The following BAZ2B variants were observed in gnomAD, a reference collection of about 807,000 sequenced individuals.
The protein encoded by BAZ2B is bromodomain adjacent to zinc finger domain 2B.
In BAZ2B, 91 loss-of-function variants were observed where a neutral mutation model predicts 246.0. That is an observed-to-expected ratio of 0.37 (90% confidence interval 0.31 to 0.44). BAZ2B has a LOEUF of 0.44. Among genes scored for constraint, BAZ2B ranks in the 20% least tolerant of loss-of-function variants. BAZ2B has a pLI of 1.00. For synonymous variants in BAZ2B, 855 were observed against 860.0 expected (o/e 0.99, Z 0.10); for missense variants, 2,332 against 2,533.7 (o/e 0.92, Z 1.71).
chr2:159,605,362 T>G (rs1278178617), intron 1 of BAZ2B, among the ~76,000 whole-genome samples: 2 of 152,136 alleles, frequency 1.3e-5, no homozygotes, highest in Non-Finnish European at 2.9e-5. Context: ...TTTATTTCCA[T>G]GGGTAGCTGT....
intron 31 of BAZ2B, among the ~76,000 whole-genome samples, chr2:159,345,111 T>G (rs892542604): frequency 6.6e-6 from 1 of 151,676 alleles, no homozygotes; most frequent in Non-Finnish European, 1.5e-5. Context: ...TCAGGAAGGC[T>G]GAGGCAGGAG....
chr2:159,610,787 A>G (rs1578936290), intron 1 of BAZ2B, among the ~76,000 whole-genome samples: 1 of 152,092 alleles, frequency 6.6e-6, no homozygotes, highest in Non-Finnish European at 1.5e-5. Context: ...AAATACTCTT[A>G]CCTTATATAG....
chr2:159,332,494 A>G (rs1424053039), intron 34 of BAZ2B, 46 bp downstream of exon 34: 5 of 1,546,950 alleles, frequency 3.2e-6, no homozygotes, highest in Admixed American at 3.9e-5. Context: ...AAAAAATAAT[A>G]AAAAGATAAA....
intron 25 of BAZ2B, among the ~76,000 whole-genome samples, chr2:159,380,840 T>C (rs543255822): frequency 1.3e-5 from 2 of 152,312 alleles, no homozygotes; most frequent in South Asian, 4.1e-4. Context: ...GTGACTCTGC[T>C]GGGAGATGAC....
Position 159,320,162 on chromosome 2 carries a change from A to G in BAZ2B, c.*103T>C. The G allele has an allele frequency of 9.8e-7, 1 of 1,019,866 alleles. No individual in the cohort carries two copies. The allele number at this position is 1,019,866 out of a possible 1,614,324, so 63.2% of individuals were successfully genotyped here. The stretch of plus-strand genomic sequence containing the variant: ...TTTTTTTATACTTAAGGAAAAAGAA[A>G]GTCATTATGTATGTGCCTTGCACGT... On this transcript the variant is annotated 3_prime_UTR_variant, in exon 37 of 37. Transcript: ENST00000392783.
chr2:159,677,103 A>T, the BAZ2B span, among the ~76,000 whole-genome samples: 1 of 150,638 alleles, frequency 6.6e-6, no homozygotes, highest in Non-Finnish European at 1.5e-5. Flanking sequence ...ATAATGATGG[A>T]TAAAGATTAA....
chr2:159,369,595 G>A (rs1277927165), intron 27 of BAZ2B, among the ~76,000 whole-genome samples: 1 of 152,142 alleles, frequency 6.6e-6, no homozygotes, highest in East Asian at 1.9e-4. Context: ...AAGGAAAGTT[G>A]ATGTCCTAGA....
At chr2:159,318,323 A>G (rs1424890751), downstream of BAZ2B, among the ~76,000 whole-genome samples, 11 of 152,256 alleles carry the variant, frequency 7.2e-5, no homozygotes, top group African/African-American at 2.7e-4. Context: ...ATATCTGGTT[A>G]ACAGAAACTG....
chr2:159,486,540 G>A (rs539589488), intron 2 of BAZ2B, among the ~76,000 whole-genome samples: 8 of 150,820 alleles, frequency 5.3e-5, no homozygotes, highest in Admixed American at 1.3e-4. Flanking sequence ...AACAAAGTGG[G>A]GATAACAGGT....
chr2:159,501,502 T>C (rs2081837643), intron 2 of BAZ2B, among the ~76,000 whole-genome samples: 1 of 151,496 alleles, frequency 6.6e-6, no homozygotes, highest in African/African-American at 2.4e-5. Flanking sequence ...GAGCCAAAAA[T>C]TTTTTAGTAT....
At chr2:159,424,152 C>T (rs1163568288) in intron 13 of BAZ2B, among the ~76,000 whole-genome samples, 1 of 151,946 alleles carries the variant, frequency 6.6e-6, no homozygotes, top group Non-Finnish European at 1.5e-5. Context: ...CAATTATGGG[C>T]TTTTTTTCTT....
At chr2:159,357,988 C>A (rs2149251368) in intron 27 of BAZ2B, among the ~76,000 whole-genome samples, 1 of 152,258 alleles carries the variant, frequency 6.6e-6, no homozygotes, top group East Asian at 1.9e-4. Flanking sequence ...AAAGGAAATA[C>A]CGGTACCAGC....
Position 159,374,717 on chromosome 2 carries a change from C to A in BAZ2B, c.4042G>T (p.Glu1348Ter). Residue 1348 changes from glutamate to a stop codon, truncating the protein, a stop_gained, in exon 26 of 37, where the codon GAA becomes TAA. Coordinates refer to ENST00000392783, the MANE Select transcript of BAZ2B (RefSeq NM_013450.4). LOFTEE classifies it high-confidence loss of function. ...TTACTCAGTTTTTCAATCTGTTTTT[C>A]CAGCTCTTCAACACTTGCTGCTTGG... ...GDQAASVEEL[E>*]KQIEKLSKQQ... The A allele has an allele frequency of 6.2e-7, 1 of 1,613,110 alleles. No individual in the cohort carries two copies. Among genetic ancestry groups the A allele is most frequent in the Non-Finnish European group, 8.5e-7 (1 of 1,179,468 alleles).
chr2:159,470,446 A>T (rs2077641151), intron 3 of BAZ2B, among the ~76,000 whole-genome samples: 1 of 152,262 alleles, frequency 6.6e-6, no homozygotes, highest in Non-Finnish European at 1.5e-5. Flanking sequence ...AAAATGGTGA[A>T]TTATATTGTA....
At chr2:159,637,198 T>C in the BAZ2B span, among the ~76,000 whole-genome samples, 1 of 152,164 alleles carries the variant, frequency 6.6e-6, no homozygotes, top group African/African-American at 2.4e-5. Flanking sequence ...GCACCTTAGG[T>C]ACCAGCTTGT....
chr2:159,628,355 T>C, the BAZ2B span, among the ~76,000 whole-genome samples: 1 of 152,222 alleles, frequency 6.6e-6, no homozygotes, highest in Non-Finnish European at 1.5e-5. Context: ...TGAGCCCGCA[T>C]GGCCAAGACA....
chr2:159,412,447 T>A lies in BAZ2B; in HGVS notation c.2565A>T (p.Arg855=). ...GTCTCATCCTGGATTCCTCTCTTGC[T>A]CGTTGTCTATCTGGATTTGGTGGTC... ...RGRPPNPDRQ[R]AREESRMRRR... Residue 855 remains arginine, a synonymous_variant, in exon 14 of 37, where the codon CGA becomes CGT. Transcript: ENST00000392783. 6.2e-7 allele frequency: 1 copy of A among 1,614,166 alleles called. No individual in the cohort carries two copies. Among genetic ancestry groups the A allele is most frequent in the Non-Finnish European group, 8.5e-7 (1 of 1,180,014 alleles).
At chr2:159,638,647 T>C in the BAZ2B span, among the ~76,000 whole-genome samples, 9 of 151,520 alleles carry the variant, frequency 5.9e-5, no homozygotes, top group Non-Finnish European at 8.8e-5. Context: ...CAGACTTGAT[T>C]AAGCAGAAAA....
the BAZ2B span, among the ~76,000 whole-genome samples, chr2:159,702,841 C>T: frequency 6.6e-6 from 1 of 151,984 alleles, no homozygotes; most frequent in Admixed American, 6.6e-5. Context: ...GAGATCGAGA[C>T]CATCCTGGCT....
Sources: allele counts gnomAD v4.1 joint callset (sites outside exome capture counted in the v4.1 genomes callset), GRCh38; gene constraint gnomAD v4.1.1; transcripts MANE v1.5; gene names NCBI Gene and HGNC (gene_info 2026-07-23, HGNC 2026-07-21).